Variants in MAML3 observed in about 807,000 individuals in gnomAD.
MAML3 encodes mastermind-like protein 3.
In MAML3, 27 loss-of-function variants were observed where a neutral mutation model predicts 101.9. The ratio of observed to expected loss-of-function variants is 0.27; its 90% CI spans 0.20 to 0.37. The LOEUF is 0.37. Among genes scored for constraint, MAML3 ranks in the 10% least tolerant of loss-of-function variants. The pLI is 1.00. For synonymous variants in MAML3, 501 were observed against 555.9 expected (o/e 0.90, Z 1.39); for missense variants, 1,316 against 1,444.9 (o/e 0.91, Z 1.45).
chr4:139,838,223 G>T (rs1451438805), intron 2 of MAML3, among the ~76,000 whole-genome samples: 1 of 152,118 alleles, frequency 6.6e-6, no homozygotes, highest in African/African-American at 2.4e-5. Context: ...ATTTTCATTT[G>T]GTCCCAAGGC....
chr4:140,058,247 G>A (rs1272181197), intron 1 of MAML3, among the ~76,000 whole-genome samples: 1 of 148,558 alleles, frequency 6.7e-6, no homozygotes, highest in Non-Finnish European at 1.5e-5. Flanking sequence ...CTTTGTCTTT[G>A]AAGCCCTTCA....
At chr4:140,032,760 A>C (rs1033385589) in intron 1 of MAML3, among the ~76,000 whole-genome samples, 4 of 152,092 alleles carry the variant, frequency 2.6e-5, no homozygotes, top group African/African-American at 9.7e-5. Flanking sequence ...AACTTACTCG[A>C]CATCTAGGAA....
intron 1 of MAML3, among the ~76,000 whole-genome samples, chr4:139,980,818 T>C (rs1010623199): frequency 2.0e-5 from 3 of 152,072 alleles, no homozygotes; most frequent in African/African-American, 7.2e-5. Flanking sequence ...GTAATAATAA[T>C]AATAACAATA....
chr4:139,724,523 T>C (rs1728387837), intron 4 of MAML3, among the ~76,000 whole-genome samples: 1 of 152,232 alleles, frequency 6.6e-6, no homozygotes, highest in Admixed American at 6.5e-5. Context: ...TGAAATTATA[T>C]AAAAGTTTGT....
At chr4:139,764,504 T>C (rs1344582211) in intron 2 of MAML3, among the ~76,000 whole-genome samples, 2 of 152,298 alleles carry the variant, frequency 1.3e-5, no homozygotes, top group East Asian at 3.9e-4. Context: ...CATTGTCTCA[T>C]CTTTCCAAGT....
intron 1 of MAML3, among the ~76,000 whole-genome samples, chr4:139,912,858 G>T (rs1378261407): frequency 6.6e-6 from 1 of 152,120 alleles, no homozygotes; most frequent in African/African-American, 2.4e-5. Flanking sequence ...TTTTACCTTC[G>T]AGCATCCAGG....
chr4:140,001,963 G>T (rs1734931903), intron 1 of MAML3, among the ~76,000 whole-genome samples: 1 of 152,002 alleles, frequency 6.6e-6, no homozygotes, highest in African/African-American at 2.4e-5. Context: ...TTGTGTTTAT[G>T]GTGTGCAACA....
intron 1 of MAML3, among the ~76,000 whole-genome samples, chr4:140,095,627 C>T (rs537269579): frequency 1.8e-4 from 28 of 152,236 alleles, no homozygotes; most frequent in African/African-American, 6.5e-4. Context: ...TTTCCAGGGG[C>T]CGCCTAACAC....
chr4:139,724,236 A>ATC (rs1272938460), intron 4 of MAML3, among the ~76,000 whole-genome samples: 1 of 152,212 alleles, frequency 6.6e-6, no homozygotes. Flanking sequence ...TTTACAGGTG[A>ATC]TCTTCAATGT....
chr4:140,141,922 T>C (rs1178569538), intron 1 of MAML3, among the ~76,000 whole-genome samples: 1 of 152,210 alleles, frequency 6.6e-6, no homozygotes, highest in African/African-American at 2.4e-5. Context: ...ATTATATCTA[T>C]AGAAAGAACC....
chr4:140,113,054 C>T (rs1180894877), intron 1 of MAML3, among the ~76,000 whole-genome samples: 2 of 151,952 alleles, frequency 1.3e-5, no homozygotes, highest in Non-Finnish European at 2.9e-5. Context: ...CCAAGGCGGG[C>T]GGATCACAGG....
chr4:139,951,077 T>C (rs1560846725), intron 1 of MAML3, among the ~76,000 whole-genome samples: 1 of 152,160 alleles, frequency 6.6e-6, no homozygotes, highest in South Asian at 2.1e-4. Context: ...AAACCAATAT[T>C]TATTTCCTTA....
intron 2 of MAML3, among the ~76,000 whole-genome samples, chr4:139,827,748 C>G (rs1436162690): frequency 1.3e-5 from 2 of 152,146 alleles, no homozygotes; most frequent in African/African-American, 4.8e-5. Flanking sequence ...ATGACTTACT[C>G]TAAGCCACGA....
intron 1 of MAML3, among the ~76,000 whole-genome samples, chr4:140,044,808 C>T (rs1180231141): frequency 6.6e-6 from 1 of 152,202 alleles, no homozygotes; most frequent in African/African-American, 2.4e-5. Context: ...GCACCAGGCT[C>T]ATTCCACCAC....
At chr4:140,149,991 A>C (rs1224141564) in intron 1 of MAML3, among the ~76,000 whole-genome samples, 1 of 143,810 alleles carries the variant, frequency 7.0e-6, no homozygotes, top group Non-Finnish European at 1.5e-5. Context: ...TCTGCTTAAG[A>C]GTTAAGGCTT....
At chr4:139,765,859 G>A (rs1460819788) in intron 2 of MAML3, among the ~76,000 whole-genome samples, 1 of 152,054 alleles carries the variant, frequency 6.6e-6, no homozygotes, top group Non-Finnish European at 1.5e-5. Flanking sequence ...GTGGTGGTGC[G>A]TGCCTGTAGT....
chr4:140,079,038 C>A (rs1203428586), intron 1 of MAML3, among the ~76,000 whole-genome samples: 1 of 152,100 alleles, frequency 6.6e-6, no homozygotes, highest in Non-Finnish European at 1.5e-5. Context: ...CCTTCTGAAT[C>A]CCATGCTGGA....
At chr4:140,116,552 C>A (rs986180006) in intron 1 of MAML3, among the ~76,000 whole-genome samples, 15 of 152,244 alleles carry the variant, frequency 9.9e-5, no homozygotes, top group Non-Finnish European at 2.1e-4. Flanking sequence ...TGCCTGGATT[C>A]AATTCCTTCA....
intron 1 of MAML3, among the ~76,000 whole-genome samples, chr4:139,902,102 G>C (rs1484085929): frequency 6.6e-6 from 1 of 152,124 alleles, no homozygotes; most frequent in Non-Finnish European, 1.5e-5. Context: ...CCTCAAAGAG[G>C]CCAGACACTG....
Sources: allele counts gnomAD v4.1 joint callset (sites outside exome capture counted in the v4.1 genomes callset), GRCh38; gene constraint gnomAD v4.1.1; transcripts MANE v1.5; gene names NCBI Gene and HGNC (gene_info 2026-07-23, HGNC 2026-07-21).